The following KIRREL3 variants were observed in gnomAD, a reference collection of about 807,000 sequenced individuals.
KIRREL3 encodes the protein kin of IRRE-like protein 3.
KIRREL3 carries 36 observed loss-of-function variants against 89.7 expected under a neutral mutation model. That is an observed-to-expected ratio of 0.40 (90% CI 0.31 to 0.53). The LOEUF (loss-of-function observed/expected upper bound fraction) is 0.53. KIRREL3 is among the 20% of genes least tolerant of loss of function. The pLI, the probability that KIRREL3 is intolerant of heterozygous loss-of-function variation, is 0.49. For synonymous variants in KIRREL3, 445 were observed against 441.4 expected (o/e 1.01, Z -0.10); for missense variants, 864 against 1,056.6 (o/e 0.82, Z 2.53).
intron 1 of KIRREL3, among the ~76,000 whole-genome samples, chr11:126,915,824 T>C (rs1265341257): frequency 6.6e-6 from 1 of 152,204 alleles, no homozygotes; most frequent in Non-Finnish European, 1.5e-5. Flanking sequence ...GCATTTCACA[T>C]TCTCTTATTC....
rs118137602 is a variant in KIRREL3, at chr11:126,734,109, G to A, written c.56-171197C>T. ...TGAGGCAGAAGCTGCATTAGAACAA[G>A]ATCCCTAGGTGGTTTGTTTGAACAC... On this transcript the variant is annotated intron_variant, in intron 1 of 16. Coordinates refer to ENST00000525144, the MANE Select transcript of KIRREL3 (RefSeq NM_032531.4). The surrounding 1 kb of genome is among the most constrained non-coding windows in gnomAD (Gnocchi z 5.9). Among the ~76,000 whole-genome samples, 1 of 152,294 alleles carries A rather than the reference G, an allele frequency of 6.6e-6. No individual in the cohort carries two copies. Among genetic ancestry groups the A allele is most frequent in the Non-Finnish European group, 1.5e-5 (1 of 68,022 alleles).
At chr11:126,616,441 G>A (rs543382062) in intron 1 of KIRREL3, among the ~76,000 whole-genome samples, 1 of 128,804 alleles carries the variant, frequency 7.8e-6, no homozygotes, top group South Asian at 2.9e-4. Flanking sequence ...TGTTAGCCTG[G>A]TTGGGCATAG....
At chr11:126,988,025 C>G (rs1039237257) in intron 1 of KIRREL3, among the ~76,000 whole-genome samples, 1 of 152,074 alleles carries the variant, frequency 6.6e-6, no homozygotes. Context: ...TTCAGAAACA[C>G]GTAATCTCCT....
At position 126,513,489 on chromosome 11, in the gene KIRREL3, G is replaced by A. The variant is rs564355006; in HGVS notation, c.433+7826C>T. Among the ~76,000 whole-genome samples, 5 of 152,168 alleles carry A rather than the reference G, an allele frequency of 3.3e-5. No homozygotes were observed. The highest frequency in any genetic ancestry group is 5.9e-5 in the Non-Finnish European group (4 of 68,032). On this transcript the variant is annotated intron_variant, in intron 4 of 16. Coordinates refer to ENST00000525144, the MANE Select transcript of KIRREL3 (RefSeq NM_032531.4). This position sits in a 1 kb window ranked among gnomAD's most constrained non-coding sequence, Gnocchi z 5.9. Reference sequence around the variant, plus strand: ...CTCAGGCAGGGAAGGGAAAAGATGCGCTGAGTTTGCCTCCATCCCTGAGGG... The same window carrying A: ...CTCAGGCAGGGAAGGGAAAAGATGCACTGAGTTTGCCTCCATCCCTGAGGG...
At chr11:126,701,944 G>A (rs370139593) in intron 1 of KIRREL3, among the ~76,000 whole-genome samples, 8 of 152,168 alleles carry the variant, frequency 5.3e-5, no homozygotes, top group African/African-American at 1.7e-4. Context: ...TTAACTTGCT[G>A]TGTGGTCTTG....
rs978639106 is a variant in KIRREL3, at chr11:126,994,306, C to T, written c.55+6149G>A. 6.6e-6 allele frequency among the ~76,000 whole-genome samples: 1 copy of T among 152,080 alleles called. No individual in the cohort carries two copies. The highest frequency in any genetic ancestry group is 2.4e-5 in the African/African-American group (1 of 41,386). ...GCAGGCAGGTGTCTGTGTTTGGCTG[C>T]CCCCTTTGCAGTTATTTCCAAGGAG... On this transcript the variant is annotated intron_variant, in intron 1 of 16. Transcript: ENST00000525144. The surrounding 1 kb of genome is among the most constrained non-coding windows in gnomAD (Gnocchi z 5.2).
At chr11:126,588,826 T>A (rs1941997063) in intron 1 of KIRREL3, among the ~76,000 whole-genome samples, 1 of 152,122 alleles carries the variant, frequency 6.6e-6, no homozygotes, top group Non-Finnish European at 1.5e-5. Flanking sequence ...ATGAATGGAT[T>A]TATGAGTAGG....
At position 126,705,169 on chromosome 11, in the gene KIRREL3, T is replaced by G. The variant is rs918627503; in HGVS notation, c.56-142257A>C. The stretch of plus-strand genomic sequence containing the variant: ...TACAAAGATGTCAGTCCTTTTCTAC[T>G]CGTGCCAAAATTATAAACAGTTTAT... On this transcript the variant is annotated intron_variant, in intron 1 of 16. Coordinates refer to ENST00000525144, the MANE Select transcript of KIRREL3 (RefSeq NM_032531.4). The surrounding 1 kb of genome is among the most constrained non-coding windows in gnomAD (Gnocchi z 4.3). Among the ~76,000 whole-genome samples the G allele has an allele frequency of 6.6e-6, 1 of 152,240 alleles. No individual in the cohort carries two copies. The highest frequency in any genetic ancestry group is 2.4e-5 in the African/African-American group (1 of 41,464).
chr11:126,714,257 T>C (rs1947871941), intron 1 of KIRREL3, among the ~76,000 whole-genome samples: 1 of 152,222 alleles, frequency 6.6e-6, no homozygotes. Context: ...AACAGAGACC[T>C]TCTGGTTGCA....
chr11:126,823,984 T>G (rs948849389), intron 1 of KIRREL3, among the ~76,000 whole-genome samples: 8 of 152,156 alleles, frequency 5.3e-5, no homozygotes, highest in African/African-American at 1.9e-4. Flanking sequence ...TGTTAGCATC[T>G]CTCAAAATAA....
rs867301022 is a variant in KIRREL3 at position 126,780,707 on chromosome 11, T to G, written c.56-217795A>C. On this transcript the variant is annotated intron_variant, in intron 1 of 16. Coordinates refer to ENST00000525144, the MANE Select transcript of KIRREL3 (RefSeq NM_032531.4). This position sits in a 1 kb window ranked among gnomAD's most constrained non-coding sequence, Gnocchi z 5.3. The stretch of plus-strand genomic sequence containing the variant: ...AGGCCACCTGTGCTAGGCTGGCAGG[T>G]GTATCCAGGGCAGGATGTGAAAGCC... Among the ~76,000 whole-genome samples the G allele has an allele frequency of 3.3e-5, 5 of 152,280 alleles. No homozygotes were observed. In the South Asian group the frequency reaches 1.0e-3, roughly 32 times the overall value.
Position 126,521,613 on chromosome 11 carries a change from G to C in KIRREL3, c.284-149C>G. ...CTCAGGGCTCTGATCTCAGTGCAAG[G>C]AGCACAAATGCAAGAGCTTTCCCAA... On this transcript the variant is annotated intron_variant, in intron 3 of 16. Coordinates refer to ENST00000525144, the MANE Select transcript of KIRREL3 (RefSeq NM_032531.4). This position sits in a 1 kb window ranked among gnomAD's most constrained non-coding sequence, Gnocchi z 4.1. 1 of 678,686 alleles carries C rather than the reference G, an allele frequency of 1.5e-6. No homozygotes were observed. Among genetic ancestry groups the C allele is most frequent in the Non-Finnish European group, 2.5e-6 (1 of 406,046 alleles). The allele number at this position is 678,686 out of a possible 1,614,324, so 42.0% of individuals were successfully genotyped here.
At chr11:126,972,757 T>C (rs570336638) in intron 1 of KIRREL3, among the ~76,000 whole-genome samples, 3 of 152,280 alleles carry the variant, frequency 2.0e-5, no homozygotes, top group African/African-American at 7.2e-5. Flanking sequence ...GCCACATGTA[T>C]GTACACACAC....
At chr11:126,478,759 A>ATG (rs958898561) in intron 4 of KIRREL3, among the ~76,000 whole-genome samples, 2 of 151,494 alleles carry the variant, frequency 1.3e-5, no homozygotes, top group African/African-American at 4.9e-5. Context: ...GTGTGTGTAT[A>ATG]TGTGTGTGTA....
chr11:126,589,065 CCGGTCCCTTCCAG>C lies in KIRREL3; in HGVS notation c.56-26166_56-26154del, dbSNP rs1285688168. 4.6e-4 allele frequency among the ~76,000 whole-genome samples: 70 copies of C among 152,334 alleles called. 1 individual carries two copies. Among genetic ancestry groups the C allele is most frequent in the African/African-American group, 1.5e-3 (61 of 41,582 alleles). On this transcript the variant is annotated intron_variant, in intron 1 of 16. Coordinates refer to ENST00000525144, the MANE Select transcript of KIRREL3 (RefSeq NM_032531.4). ...GGCACCCGCACACTAGCTGCCTCTC[CCGGTCCCTTCCAG>C]CAACCTGAGGAAATGCCTTCCAATC...
rs1940677610 is a variant in KIRREL3, at chr11:126,568,428, A to G, written c.56-5516T>C. ...CCAGAGATCAGAAAGCAAGGGAAGGACCCTCAGTTTTATCCTGACATTCAT... is the reference window on the plus strand; with the variant it reads ...CCAGAGATCAGAAAGCAAGGGAAGGGCCCTCAGTTTTATCCTGACATTCAT... On this transcript the variant is annotated intron_variant, in intron 1 of 16. Coordinates refer to ENST00000525144, the MANE Select transcript of KIRREL3 (RefSeq NM_032531.4). The surrounding 1 kb of genome is among the most constrained non-coding windows in gnomAD (Gnocchi z 4.6). Among the ~76,000 whole-genome samples, 2 of 152,196 alleles carry G rather than the reference A, an allele frequency of 1.3e-5. No homozygotes were observed. Among genetic ancestry groups the G allele is most frequent in the Non-Finnish European group, 2.9e-5 (2 of 68,038 alleles).
intron 1 of KIRREL3, among the ~76,000 whole-genome samples, chr11:126,706,500 T>C (rs567645537): frequency 4.2e-4 from 64 of 152,300 alleles, no homozygotes; most frequent in Non-Finnish European, 5.9e-4. Flanking sequence ...CTAGGTTAAA[T>C]TTCTAGGAAC....
chr11:126,987,325 T>C lies in KIRREL3; in HGVS notation c.55+13130A>G, dbSNP rs565080003. The stretch of plus-strand genomic sequence containing the variant: ...ATGAACAAGACTAAGACAATTTAAC[T>C]AAAAAATACAACCGTCTATGTATTT... On this transcript the variant is annotated intron_variant, in intron 1 of 16. Coordinates refer to ENST00000525144, the MANE Select transcript of KIRREL3 (RefSeq NM_032531.4). The surrounding 1 kb of genome is among the most constrained non-coding windows in gnomAD (Gnocchi z 4.6). Among the ~76,000 whole-genome samples the C allele has an allele frequency of 3.3e-5, 5 of 152,288 alleles. No individual in the cohort carries two copies. The highest frequency in any genetic ancestry group is 1.2e-4 in the African/African-American group (5 of 41,562).
At chr11:126,673,704 G>C (rs1286546644) in intron 1 of KIRREL3, among the ~76,000 whole-genome samples, 1 of 152,196 alleles carries the variant, frequency 6.6e-6, no homozygotes, top group Admixed American at 6.5e-5. Flanking sequence ...GAGGAGTGTG[G>C]GGAATAGTCT....
Sources: gnomAD v4.1 joint callset for allele counts (sites outside exome capture counted in the v4.1 genomes callset) on GRCh38, gnomAD v4.1.1 for gene constraint, Gnocchi (gnomAD v3.1) non-coding constraint, MANE v1.5 for transcripts, NCBI Gene and HGNC (gene_info 2026-07-23, HGNC 2026-07-21) for gene names.